Variants in ACAP1 observed in about 807,000 individuals in gnomAD.
The protein encoded by ACAP1 is arf-GAP with coiled-coil, ANK repeat and PH domain-containing protein 1.
Under a neutral mutation model 98.8 loss-of-function variants are expected in ACAP1, and 45 were observed. The observed-to-expected ratio is 0.46, with a 90% CI of 0.36 to 0.58. The LOEUF (loss-of-function observed/expected upper bound fraction) is 0.58. ACAP1 is among the 20% of genes least tolerant of loss of function. ACAP1 has a pLI of 0.00. For synonymous variants in ACAP1, 362 were observed against 375.3 expected (o/e 0.96, Z 0.41); for missense variants, 735 against 971.4 (o/e 0.76, Z 3.24).
Position 7,343,921 on chromosome 17 carries a change from C to T in ACAP1, c.634C>T (p.Arg212Trp), listed in dbSNP as rs34807059. ...HFQQGHEELS[R>W]LSQYRKELGA... ...CCAGCAGGGCCATGAGGAGCTGAGCCGGCTGTCCCAGTATCGAAAGGAGCT... is the reference window on the plus strand; with the variant it reads ...CCAGCAGGGCCATGAGGAGCTGAGCTGGCTGTCCCAGTATCGAAAGGAGCT... Residue 212 changes from arginine (R) to tryptophan (W), a missense_variant, in exon 8 of 22, where the codon CGG becomes TGG. Around this residue, in one of 5 missense-constraint regions of ACAP1, gnomAD observed 430 missense variants for 531.8 expected, o/e 0.81. Coordinates refer to ENST00000158762, the MANE Select transcript of ACAP1 (RefSeq NM_014716.4). This position sits in a 1 kb window ranked among gnomAD's most constrained non-coding sequence, Gnocchi z 4.9. 1,681 of 1,606,776 alleles carry T rather than the reference C, an allele frequency of 1.0e-3. 12 individuals carry two copies. The highest frequency in any genetic ancestry group is 9.7e-3 in the African/African-American group (724 of 74,816).
At chr17:7,341,674 G>A (rs2073280333) in intron 2 of ACAP1, among the ~76,000 whole-genome samples, 1 of 152,218 alleles carries the variant, frequency 6.6e-6, no homozygotes, top group African/African-American at 2.4e-5. Context: ...ATGTTTTGGA[G>A]GTAAGGCTGA....
rs1461215640 is a variant in ACAP1, at chr17:7,347,016, C to G, written c.1132-15C>G. Reference sequence around the variant, plus strand: ...TAGGCCCCTTGGCCACCCTTTCTTCCCCTCTCTCCCCCAGGGCTCAGGACA... The same window carrying G: ...TAGGCCCCTTGGCCACCCTTTCTTCGCCTCTCTCCCCCAGGGCTCAGGACA... On this transcript the variant is annotated splice_polypyrimidine_tract_variant and intron_variant, in intron 13 of 21. Coordinates refer to ENST00000158762, the MANE Select transcript of ACAP1 (RefSeq NM_014716.4). The G allele has an allele frequency of 6.4e-7, 1 of 1,569,360 alleles. No individual in the cohort carries two copies. Among genetic ancestry groups the G allele is most frequent in the East Asian group, 2.3e-5 (1 of 44,228 alleles).
Position 7,351,475 on chromosome 17 carries a change from T to C in ACAP1, c.*80T>C. On this transcript the variant is annotated 3_prime_UTR_variant, in exon 22 of 22. Transcript: ENST00000158762. Reference sequence around the variant, plus strand: ...CCATTAAAGCCTCCGTGCTTCGCTCTTCCCTTCTGGTTCACTTCTTGGGCG... The same window carrying C: ...CCATTAAAGCCTCCGTGCTTCGCTCCTCCCTTCTGGTTCACTTCTTGGGCG... The C allele has an allele frequency of 9.0e-7, 1 of 1,106,548 alleles. No homozygotes were observed. Among genetic ancestry groups the C allele is most frequent in the Non-Finnish European group, 1.3e-6 (1 of 763,316 alleles). The allele number at this position is 1,106,548 out of a possible 1,614,324, so 68.5% of individuals were successfully genotyped here.
At position 7,350,748 on chromosome 17, in the gene ACAP1, C is replaced by T; in HGVS notation, c.2073-202C>T. 1 of 539,064 alleles carries T rather than the reference C, an allele frequency of 1.9e-6. No homozygotes were observed. The highest frequency in any genetic ancestry group is 2.0e-5 in the South Asian group (1 of 50,774). The allele number at this position is 539,064 out of a possible 1,614,324, so 33.4% of individuals were successfully genotyped here. ...CTCAGCCTCCCCTGAGTAGCTGGGA[C>T]TACAGGCGTGCGCCACCACCCCCGG... On this transcript the variant is annotated intron_variant, in intron 20 of 21. Coordinates refer to ENST00000158762, the MANE Select transcript of ACAP1 (RefSeq NM_014716.4). The surrounding 1 kb of genome is among the most constrained non-coding windows in gnomAD (Gnocchi z 4.6).
At chr17:7,338,695 C>T (rs1176333904) in intron 2 of ACAP1, among the ~76,000 whole-genome samples, 3 of 152,000 alleles carry the variant, frequency 2.0e-5, no homozygotes, top group East Asian at 2.0e-4. Context: ...CATGCCACCA[C>T]GCCTGGCTTT....
chr17:7,340,970 C>G (rs2073270403), intron 2 of ACAP1, among the ~76,000 whole-genome samples: 1 of 152,116 alleles, frequency 6.6e-6, no homozygotes, highest in Non-Finnish European at 1.5e-5. Context: ...TCTGAGCCAC[C>G]TTGCCTGGCC....
chr17:7,347,831 C>T lies in ACAP1; in HGVS notation c.1344-91C>T. ...ACCTCTGCACGGGCCCCCATGCCAG[C>T]CTTGCCTCCCAGTGTCTTCAGGAGC... On this transcript the variant is annotated intron_variant, in intron 14 of 21. Coordinates refer to ENST00000158762, the MANE Select transcript of ACAP1 (RefSeq NM_014716.4). The T allele has an allele frequency of 3.5e-6, 4 of 1,134,102 alleles. No individual in the cohort carries two copies. The South Asian group carries it at 5.0e-5, about 14-fold the overall frequency. 70.3% of individuals were successfully genotyped at this position (1,134,102 alleles called of 1,614,324 possible).
intron 2 of ACAP1, among the ~76,000 whole-genome samples, chr17:7,338,472 A>G (rs995964715): frequency 6.6e-6 from 1 of 151,828 alleles, no homozygotes; most frequent in Non-Finnish European, 1.5e-5. Context: ...CATGTTGGCT[A>G]AGCTGGTCTT....
intron 12 of ACAP1, 136 bp downstream of exon 12, chr17:7,346,627 C>T (rs898560297): frequency 8.7e-7 from 1 of 1,152,528 alleles, no homozygotes; most frequent in Non-Finnish European, 1.2e-6. Flanking sequence ...GACTGGGGGG[C>T]CATTGTGGAA....
At position 7,337,379 on chromosome 17, in the gene ACAP1, A is replaced by C; in HGVS notation, c.111+10A>C. 2 of 1,613,910 alleles carry C rather than the reference A, an allele frequency of 1.2e-6. No individual in the cohort carries two copies. Among genetic ancestry groups the C allele is most frequent in the Non-Finnish European group, 8.5e-7 (1 of 1,179,786 alleles). On this transcript the variant is annotated intron_variant, in intron 2 of 21. Coordinates refer to ENST00000158762, the MANE Select transcript of ACAP1 (RefSeq NM_014716.4). The stretch of plus-strand genomic sequence containing the variant: ...GACCCGTCTGGAAAAGGTGACCCTG[A>C]CATGGAGAGGTGACCCAGGAGTGGA...
intron 2 of ACAP1, among the ~76,000 whole-genome samples, chr17:7,339,957 C>A (rs865801295): frequency 6.6e-6 from 1 of 152,106 alleles, no homozygotes; most frequent in Non-Finnish European, 1.5e-5. Context: ...TCCCCCTCCC[C>A]CCTCACTCAG....
chr17:7,350,574 T>C lies in ACAP1; in HGVS notation c.2072+337T>C. On this transcript the variant is annotated intron_variant, in intron 20 of 21. Transcript: ENST00000158762. This position sits in a 1 kb window ranked among gnomAD's most constrained non-coding sequence, Gnocchi z 4.6. ...GCAGATGAACGGAACGCAACCCAGCTCAAAGGATGGGAAGTTGTGGGGGAG... is the reference window on the plus strand; with the variant it reads ...GCAGATGAACGGAACGCAACCCAGCCCAAAGGATGGGAAGTTGTGGGGGAG... 1 of 427,554 alleles carries C rather than the reference T, an allele frequency of 2.3e-6. No individual in the cohort carries two copies. The highest frequency in any genetic ancestry group is 4.1e-5 in the Admixed American group (1 of 24,336). 26.5% of individuals were successfully genotyped at this position (427,554 alleles called of 1,614,324 possible).
intron 18 of ACAP1, chr17:7,349,546 T>C: frequency 3.9e-6 from 1 of 256,890 alleles, no homozygotes; most frequent in Non-Finnish European, 7.5e-6. Context: ...CGGCTAATTT[T>C]TTGTATTGTT....
intron 18 of ACAP1, 131 bp downstream of exon 18, chr17:7,349,298 A>C: frequency 1.0e-6 from 1 of 968,260 alleles, no homozygotes; most frequent in Non-Finnish European, 1.5e-6. Flanking sequence ...GAGATCAACA[A>C]TAGAGACTGG....
intron 18 of ACAP1, chr17:7,349,380 T>C: frequency 8.2e-6 from 1 of 121,964 alleles, no homozygotes; most frequent in South Asian, 2.5e-4. Flanking sequence ...TACAGGAGAC[T>C]TTTTTTTTTT....
rs753865344 is a variant in ACAP1 at position 7,347,119 on chromosome 17, T to A, written c.1220T>A (p.Val407Glu). The stretch of plus-strand genomic sequence containing the variant: ...AGGGAGCCTGGGGGAGTCGGGCACG[T>A]GGTGGCCCAGGTCCAGAGTGTGGAT... ...RGREPGGVGH[V>E]VAQVQSVDGN... The change falls in exon 14 of 22, where the codon GTG becomes GAG. Residue 407 changes from valine (V) to glutamate (E), a missense_variant. Val to Glu is a moderately radical substitution (Grantham distance 121). Transcript: ENST00000158762. 1 of 1,613,798 alleles carries A rather than the reference T, an allele frequency of 6.2e-7. No homozygotes were observed. Among genetic ancestry groups the A allele is most frequent in the Admixed American group, 1.7e-5 (1 of 59,970 alleles).
chr17:7,347,807 C>A (rs993271714), intron 14 of ACAP1, 115 bp from the exon 15 acceptor site: 3 of 838,564 alleles, frequency 3.6e-6, no homozygotes, highest in Non-Finnish European at 6.0e-6. Context: ...TGGGCCAGCA[C>A]CTCTGCACGG....
chr17:7,337,153 C>G (rs1265074685), intron 1 of ACAP1, 159 bp from the exon 2 acceptor site: 2 of 732,754 alleles, frequency 2.7e-6, no homozygotes, highest in Admixed American at 4.3e-5. Flanking sequence ...AGCTCCCAGA[C>G]TGCAGAGCGG....
intron 2 of ACAP1, among the ~76,000 whole-genome samples, chr17:7,340,626 C>T (rs1056044560): frequency 6.6e-6 from 1 of 152,174 alleles, no homozygotes; most frequent in Non-Finnish European, 1.5e-5. Flanking sequence ...AGGTGGATCA[C>T]CTGAAGTCAG....
Sources: allele counts gnomAD v4.1 joint callset (sites outside exome capture counted in the v4.1 genomes callset), GRCh38; gene constraint gnomAD v4.1.1; regional missense constraint gnomAD v4.1.1; non-coding constraint Gnocchi (gnomAD v3.1); transcripts MANE v1.5; gene names NCBI Gene and HGNC (gene_info 2026-07-23, HGNC 2026-07-21).